The following ZNF718 variants were observed in gnomAD, a reference collection of about 807,000 sequenced individuals.
ZNF718 encodes zinc finger protein 718.
ZNF718 carries 3 observed loss-of-function variants against 2.6 expected under a neutral mutation model. That is an observed-to-expected ratio of 1.16 (90% CI 0.53 to 3.01). ZNF718 has a LOEUF of 3.01. Ranked by LOEUF, ZNF718 falls within the 30% of genes most tolerant of loss-of-function variation. The pLI is 0.03. For missense variants in ZNF718, 468 were observed against 230.0 expected, an observed-to-expected ratio of 2.03 and a Z score of -6.69; for synonymous variants, 135 against 77.9, an observed-to-expected ratio of 1.73 and a Z score of -3.86.
intron 3 of ZNF718, among the ~76,000 whole-genome samples, chr4:157,510 G>A (rs979750875): frequency 1.3e-5 from 2 of 152,072 alleles, no homozygotes; most frequent in South Asian, 2.1e-4. Context: ...GGAAAAACTC[G>A]ATTAGAAATT....
At chr4:124,762 G>C (rs1581415589) in intron 1 of ZNF718, 89 bp downstream of exon 1, 2 of 1,552,822 alleles carry the variant, frequency 1.3e-6, no homozygotes, top group Non-Finnish European at 8.7e-7. Flanking sequence ...TCTGTGAATG[G>C]AGTTCCCGCT....
intron 3 of ZNF718, among the ~76,000 whole-genome samples, chr4:186,956 G>GT (rs1161604301): frequency 3.3e-4 from 51 of 152,270 alleles, no homozygotes; most frequent in African/African-American, 1.2e-3. Flanking sequence ...TTGGAGAGGT[G>GT]TTGCAGTCAT....
At chr4:149,923 G>A (rs1716241298) in intron 3 of ZNF718, 1 of 151,930 alleles carries the variant, frequency 6.6e-6, no homozygotes, top group South Asian at 2.1e-4. Context: ...CAATTGTACG[G>A]TCTAGTGATG....
chr4:146,243 G>T (rs1716053670), intron 3 of ZNF718, among the ~76,000 whole-genome samples: 1 of 151,866 alleles, frequency 6.6e-6, no homozygotes, highest in South Asian at 2.1e-4. Context: ...TTTTTAATCT[G>T]AGAATATCTT....
chr4:184,926 T>C (rs1432685826), intron 3 of ZNF718, among the ~76,000 whole-genome samples: 1 of 152,174 alleles, frequency 6.6e-6, no homozygotes, highest in African/African-American at 2.4e-5. Context: ...GCTAGAAGTC[T>C]ATTTTATTAA....
chr4:165,749 A>C (rs1250056134), downstream of ZNF718, among the ~76,000 whole-genome samples: 1 of 152,164 alleles, frequency 6.6e-6, no homozygotes, highest in East Asian at 1.9e-4. Flanking sequence ...CAGTGAGCTG[A>C]GATGGCGTCA....
chr4:190,163 G>T (rs1191268300), intron 3 of ZNF718, among the ~76,000 whole-genome samples: 2 of 152,052 alleles, frequency 1.3e-5, no homozygotes, highest in African/African-American at 4.8e-5. Flanking sequence ...GGGTGCGGTG[G>T]CTCACACCTG....
intron 3 of ZNF718, among the ~76,000 whole-genome samples, chr4:183,805 C>G (rs1276925173): frequency 6.6e-6 from 1 of 151,930 alleles, no homozygotes; most frequent in African/African-American, 2.4e-5. Context: ...TGGCTCTCAA[C>G]TGGCCTGTTT....
At chr4:157,559 A>C (rs1716630495) in intron 3 of ZNF718, among the ~76,000 whole-genome samples, 1 of 152,200 alleles carries the variant, frequency 6.6e-6, no homozygotes, top group African/African-American at 2.4e-5. Context: ...TACATTCAAC[A>C]GTCCAGATGG....
In ZNF718 at chr4:160,923, C is replaced by CA. The variant is rs1560121533; in HGVS notation, c.239dup (p.His80GlnfsTer25). On this transcript the variant is annotated frameshift_variant, in exon 4 of 4. Coordinates refer to ENST00000510175, the MANE Select transcript of ZNF718 (RefSeq NM_001039127.6). LOFTEE classifies it low-confidence loss of function (END_TRUNC). ...TTTATTTCTTTCAGCTGTGTGTTCT[C>CA]ATTTCACCCAAAACCTTTGGACAGT... 1.3e-6 allele frequency: 1 copy of CA among 758,946 alleles called. No individual in the cohort carries two copies. Among genetic ancestry groups the CA allele is most frequent in the South Asian group, 1.4e-5 (1 of 71,134 alleles). 47.0% of individuals were successfully genotyped at this position (758,946 alleles called of 1,614,324 possible). A position where few individuals can be genotyped will look rare whatever the true frequency, so the allele number is the denominator to read the frequency against.
rs782277261 is a variant in ZNF718, at chr4:161,134, A to G, written c.449A>G (p.Lys150Arg). The change falls in exon 4 of 4, where the codon AAA becomes AGA. Residue 150 changes from lysine (K) to arginine (R), a missense_variant. Lys to Arg is a conservative substitution (Grantham distance 26). Coordinates refer to ENST00000510175, the MANE Select transcript of ZNF718 (RefSeq NM_001039127.6). ...ACAATTCAATCTAATATATGTGTCA[A>G]AGTTTTTCATAAATTTTCAAATTCA... ...KKTIQSNICV[K>R]VFHKFSNSNK... The G allele has an allele frequency of 1.1e-5, 8 of 757,540 alleles. No individual in the cohort carries two copies. The highest frequency in any genetic ancestry group is 2.0e-5 in the Non-Finnish European group (8 of 406,002). The allele number at this position is 757,540 out of a possible 1,614,324, so 46.9% of individuals were successfully genotyped here. A position where few individuals can be genotyped will look rare whatever the true frequency, so the allele number is the denominator to read the frequency against.
chr4:151,143 C>T (rs1196586883), intron 3 of ZNF718, among the ~76,000 whole-genome samples: 1 of 152,086 alleles, frequency 6.6e-6, no homozygotes, highest in Non-Finnish European at 1.5e-5. Context: ...TACTCTGTCA[C>T]CCAGGCTGGA....
At chr4:135,962 A>G (rs967628932) in intron 3 of ZNF718, among the ~76,000 whole-genome samples, 7 of 151,986 alleles carry the variant, frequency 4.6e-5, no homozygotes, top group African/African-American at 1.7e-4. Flanking sequence ...AACAATGATT[A>G]TAATTTCTGT....
Position 171,557 on chromosome 4 carries a change from C to T in ZNF718, c.227-29524C>T, listed in dbSNP as rs573016480. 9.2e-5 allele frequency among the ~76,000 whole-genome samples: 14 copies of T among 152,214 alleles called. 1 individual carries two copies. The South Asian group carries it at 2.9e-3, about 32-fold the overall frequency. On this transcript the variant is annotated intron_variant and NMD_transcript_variant, in intron 3 of 4. Coordinates refer to the ZNF718 transcript ENST00000642529. ...CCTCGGCAATGGTGGGCGCCCCTCC[C>T]CCAGCCTCACTGCCGCCTTGCAGTT...
At chr4:197,800 G>A (rs1395058659) in intron 3 of ZNF718, among the ~76,000 whole-genome samples, 4 of 152,196 alleles carry the variant, frequency 2.6e-5, no homozygotes, top group African/African-American at 7.2e-5. Flanking sequence ...GTTTCATTGT[G>A]TCTCTTCCAT....
intron 3 of ZNF718, among the ~76,000 whole-genome samples, chr4:193,627 C>A (rs532142603): frequency 6.6e-6 from 1 of 152,172 alleles, no homozygotes; most frequent in East Asian, 1.9e-4. Context: ...GTCCTAGGAA[C>A]CCTTGGATAG....
At chr4:199,058 C>T (rs1484281232) in intron 3 of ZNF718, among the ~76,000 whole-genome samples, 12 of 152,230 alleles carry the variant, frequency 7.9e-5, no homozygotes, top group African/African-American at 1.9e-4. Context: ...TCCTGCTTAA[C>T]TGCAGAACAA....
In ZNF718 at chr4:143,626, G is replaced by GT. The variant is rs1406555643; in HGVS notation, c.226+12129dup. The stretch of plus-strand genomic sequence containing the variant: ...ACACATAAATTCTAGAACAAATCAG[G>GT]TTTTTTTTCTCCTGCAAATCTCTGT... On this transcript the variant is annotated intron_variant, in intron 3 of 3. Transcript: ENST00000510175. Among the ~76,000 whole-genome samples, 4 of 152,190 alleles carry GT rather than the reference G, an allele frequency of 2.6e-5. No individual in the cohort carries two copies. In the East Asian group the frequency reaches 5.8e-4, roughly 22 times the overall value.
At chr4:165,721 C>T (rs539877892), downstream of ZNF718, among the ~76,000 whole-genome samples, 1 of 152,280 alleles carries the variant, frequency 6.6e-6, no homozygotes, top group South Asian at 2.1e-4. Context: ...ATTGCTTGAA[C>T]CCGGGAGGTG....
Sources: gnomAD v4.1 joint callset for allele counts (sites outside exome capture counted in the v4.1 genomes callset) on GRCh38, gnomAD v4.1.1 for gene constraint, MANE v1.5 for transcripts, NCBI Gene and HGNC (gene_info 2026-07-23, HGNC 2026-07-21) for gene names.